CLVS1: variants seen among roughly 807,000 people sequenced by gnomAD.
CLVS1 encodes clavesin-1.
A neutral mutation model predicts 33.1 loss-of-function variants in CLVS1; 10 were observed. The ratio of observed to expected loss-of-function variants is 0.30; its 90% CI spans 0.19 to 0.51. The LOEUF (loss-of-function observed/expected upper bound fraction) is 0.51, where lower values mean the gene tolerates loss of function less well. Ranked by LOEUF, CLVS1 falls within the 20% of genes least tolerant of loss-of-function variation. CLVS1 has a pLI of 0.97. For synonymous variants in CLVS1, 163 were observed against 166.1 expected (o/e 0.98, Z 0.14); for missense variants, 343 against 433.4 (o/e 0.79, Z 1.85).
chr8:61,361,823 C>G (rs1407769744), intron 2 of CLVS1, among the ~76,000 whole-genome samples: 3 of 152,082 alleles, frequency 2.0e-5, no homozygotes, highest in Non-Finnish European at 4.4e-5. Flanking sequence ...ATACTGGACA[C>G]CTTAAAATGA....
At chr8:61,403,190 G>A (rs1455278146) in intron 3 of CLVS1, among the ~76,000 whole-genome samples, 1 of 152,190 alleles carries the variant, frequency 6.6e-6, no homozygotes, top group African/African-American at 2.4e-5. Context: ...TCAGGGCAAT[G>A]CCTTGGGATG....
At chr8:61,229,130 G>A (rs1384891217) in intron 2 of CLVS1, among the ~76,000 whole-genome samples, 4 of 152,158 alleles carry the variant, frequency 2.6e-5, no homozygotes, top group Non-Finnish European at 5.9e-5. Flanking sequence ...TGACTGTCTT[G>A]AGAAATGTCT....
At chr8:60,978,809 CAAAA>C in the CLVS1 span, among the ~76,000 whole-genome samples, 3 of 22,518 alleles carry the variant, frequency 1.3e-4, no homozygotes, top group African/African-American at 5.7e-4. Flanking sequence ...GACTCCATCT[CAAAA>C]AAAAAAAAAA....
chr8:61,306,668 A>G (rs1810638101), intron 2 of CLVS1, among the ~76,000 whole-genome samples: 1 of 152,194 alleles, frequency 6.6e-6, no homozygotes, highest in Admixed American at 6.5e-5. Flanking sequence ...TATACCCAGT[A>G]GTGAAATTAC....
At chr8:60,981,475 G>A in the CLVS1 span, among the ~76,000 whole-genome samples, 3 of 152,250 alleles carry the variant, frequency 2.0e-5, no homozygotes, top group Non-Finnish European at 2.9e-5. Context: ...ACTGTGTGGA[G>A]TGGCCTGCAG....
chr8:61,182,363 G>A (rs550705286), intron 2 of CLVS1, among the ~76,000 whole-genome samples: 38 of 152,116 alleles, frequency 2.5e-4, no homozygotes, highest in Non-Finnish European at 5.1e-4. Flanking sequence ...CTTCTGCACA[G>A]CAAAAGAAAC....
intron 2 of CLVS1, among the ~76,000 whole-genome samples, chr8:61,197,683 C>T (rs1807644742): frequency 6.6e-6 from 1 of 152,204 alleles, no homozygotes; most frequent in Non-Finnish European, 1.5e-5. Flanking sequence ...CCACACCCCG[C>T]TAATTTTTGT....
At chr8:61,104,204 T>C (rs1296419735) in intron 1 of CLVS1, among the ~76,000 whole-genome samples, 2 of 152,208 alleles carry the variant, frequency 1.3e-5, no homozygotes, top group East Asian at 3.8e-4. Context: ...AGCTTCTTAC[T>C]ATAGAGAATG....
intron 3 of CLVS1, among the ~76,000 whole-genome samples, chr8:61,440,164 T>C (rs73685035): frequency 0.017 from 2,576 of 152,312 alleles, 77 homozygotes; most frequent in African/African-American, 0.059. Flanking sequence ...TCTTGTATAT[T>C]GCTGCACCTC....
chr8:61,172,603 T>C (rs2129298818), intron 2 of CLVS1, among the ~76,000 whole-genome samples: 1 of 152,308 alleles, frequency 6.6e-6, no homozygotes, highest in South Asian at 2.1e-4. Flanking sequence ...TATAAAAATG[T>C]GAACAGCAAA....
At chr8:61,059,415 A>C (rs1804536348) in intron 1 of CLVS1, among the ~76,000 whole-genome samples, 1 of 145,572 alleles carries the variant, frequency 6.9e-6, no homozygotes, top group Admixed American at 7.0e-5. Flanking sequence ...TTCTTTATAC[A>C]TTCTGGATGC....
the CLVS1 span, among the ~76,000 whole-genome samples, chr8:61,019,653 GC>G: frequency 6.6e-6 from 1 of 151,996 alleles, no homozygotes; most frequent in Admixed American, 6.6e-5. Context: ...CCTCATCTTA[GC>G]TTTTGCTCTT....
At chr8:61,089,847 A>T (rs1175408058) in intron 1 of CLVS1, among the ~76,000 whole-genome samples, 1 of 152,212 alleles carries the variant, frequency 6.6e-6, no homozygotes, top group East Asian at 1.9e-4. Flanking sequence ...GCTCGAGCCC[A>T]GGAATCCAAG....
At chr8:61,365,821 C>T (rs1299159309) in intron 2 of CLVS1, among the ~76,000 whole-genome samples, 1 of 151,818 alleles carries the variant, frequency 6.6e-6, no homozygotes, top group African/African-American at 2.4e-5. Context: ...TGAAATCACT[C>T]TATGTCATTA....
At chr8:61,376,843 C>A in intron 3 of CLVS1, 64 bp downstream of exon 3, 1 of 1,404,776 alleles carries the variant, frequency 7.1e-7, no homozygotes, top group South Asian at 1.5e-5. Flanking sequence ...AAAATTATCG[C>A]AACCAAAGTA....
intron 2 of CLVS1, among the ~76,000 whole-genome samples, chr8:61,154,336 C>T (rs1484920766): frequency 6.6e-6 from 1 of 152,074 alleles, no homozygotes; most frequent in East Asian, 1.9e-4. Flanking sequence ...TATTCAGCTA[C>T]AAAATCAAAT....
chr8:61,197,667 C>A (rs1000308749), intron 2 of CLVS1, among the ~76,000 whole-genome samples: 1 of 152,254 alleles, frequency 6.6e-6, no homozygotes, highest in East Asian at 1.9e-4. Context: ...TTACAAGCGC[C>A]TGCCCCCACA....
chr8:61,396,049 C>A (rs565596098), intron 3 of CLVS1, among the ~76,000 whole-genome samples: 1 of 152,178 alleles, frequency 6.6e-6, no homozygotes, highest in Non-Finnish European at 1.5e-5. Flanking sequence ...GGACTGAATT[C>A]ATGAATTTAT....
intron 3 of CLVS1, among the ~76,000 whole-genome samples, chr8:61,429,066 TCAGGGCGCTGGCATCTGG>T (rs1816008916): frequency 6.6e-6 from 1 of 152,198 alleles, no homozygotes; most frequent in East Asian, 1.9e-4. Flanking sequence ...AAGTCCCATA[TCAGGGCGCTGGCATCTGG>T]CAAGGATCTT....
Sources: allele counts gnomAD v4.1 joint callset (sites outside exome capture counted in the v4.1 genomes callset), GRCh38; gene constraint gnomAD v4.1.1; transcripts MANE v1.5; gene names NCBI Gene and HGNC (gene_info 2026-07-23, HGNC 2026-07-21).